The following DCC variants were observed in gnomAD, a reference collection of about 807,000 sequenced individuals.
DCC encodes netrin receptor DCC.
In DCC, 58 loss-of-function variants were observed where a neutral mutation model predicts 172.5. That is an observed-to-expected ratio of 0.34 (90% CI 0.27 to 0.42). The LOEUF (loss-of-function observed/expected upper bound fraction) is 0.42, where lower values mean the gene tolerates loss of function less well. Ranked by LOEUF, DCC falls within the 10% of genes least tolerant of loss-of-function variation. DCC has a pLI of 1.00. For missense variants in DCC, 1,740 were observed against 1,791.0 expected (o/e 0.97, Z 0.51); for synonymous variants, 709 against 644.5 (o/e 1.10, Z -1.52).
At chr18:52,760,101 T>C (rs1203107504) in intron 2 of DCC, among the ~76,000 whole-genome samples, 1 of 152,186 alleles carries the variant, frequency 6.6e-6, no homozygotes, top group African/African-American at 2.4e-5. Flanking sequence ...GGGTAGTTTA[T>C]AAAGGAAAGA....
intron 1 of DCC, among the ~76,000 whole-genome samples, chr18:52,406,874 C>T (rs550054662): frequency 1.3e-5 from 2 of 152,052 alleles, no homozygotes; most frequent in East Asian, 1.9e-4. Flanking sequence ...TATTTGTTTT[C>T]CTTTTAATAA....
chr18:52,496,163 C>T (rs184236239), intron 1 of DCC, among the ~76,000 whole-genome samples: 201 of 152,182 alleles, frequency 1.3e-3, no homozygotes, highest in Non-Finnish European at 2.2e-3. Flanking sequence ...CGAATCCCCC[C>T]ATGGTTCATT....
intron 1 of DCC, among the ~76,000 whole-genome samples, chr18:52,468,203 A>T (rs1162169324): frequency 6.6e-6 from 1 of 152,200 alleles, no homozygotes; most frequent in Non-Finnish European, 1.5e-5. Flanking sequence ...TCAAAATATG[A>T]AACAATCAAA....
chr18:52,599,089 C>G (rs182324321), intron 1 of DCC, among the ~76,000 whole-genome samples: 3 of 152,252 alleles, frequency 2.0e-5, no homozygotes, highest in Non-Finnish European at 1.5e-5. Context: ...TGTGAACAGT[C>G]AAACCACAGA....
At chr18:52,624,011 G>C (rs1291722959) in intron 1 of DCC, among the ~76,000 whole-genome samples, 2 of 152,112 alleles carry the variant, frequency 1.3e-5, no homozygotes, top group Admixed American at 6.6e-5. Flanking sequence ...GGTTACAAAA[G>C]AGCATTGGTT....
At chr18:53,287,397 G>A (rs2056948899) in intron 12 of DCC, among the ~76,000 whole-genome samples, 1 of 152,058 alleles carries the variant, frequency 6.6e-6, no homozygotes, top group Non-Finnish European at 1.5e-5. Context: ...GTGGGCATTT[G>A]GACTGTTTTC....
intron 5 of DCC, among the ~76,000 whole-genome samples, chr18:53,026,703 G>A (rs1019931439): frequency 1.3e-5 from 2 of 151,900 alleles, no homozygotes; most frequent in Admixed American, 6.6e-5. Context: ...CTGCAGGTGC[G>A]TGCTGCCATA....
intron 11 of DCC, 107 bp from the exon 12 acceptor site, chr18:53,215,441 C>G (rs774141452): frequency 4.3e-6 from 4 of 927,144 alleles, no homozygotes; most frequent in Non-Finnish European, 7.1e-6. Context: ...ACCTAATTAT[C>G]ATTATAAACT....
intron 1 of DCC, among the ~76,000 whole-genome samples, chr18:52,658,291 A>T (rs571097591): frequency 1.3e-5 from 2 of 152,352 alleles, no homozygotes; most frequent in East Asian, 3.9e-4. Flanking sequence ...CATTCCTAGC[A>T]TTTTGATTTG....
At chr18:53,083,664 G>A (rs567013817) in intron 7 of DCC, among the ~76,000 whole-genome samples, 2 of 152,144 alleles carry the variant, frequency 1.3e-5, no homozygotes, top group Admixed American at 6.6e-5. Flanking sequence ...AAAATATGAT[G>A]GCATACTTCT....
At chr18:52,951,653 AATTTAT>A (rs2040650171) in intron 5 of DCC, among the ~76,000 whole-genome samples, 1 of 152,176 alleles carries the variant, frequency 6.6e-6, no homozygotes, top group Admixed American at 6.5e-5. Flanking sequence ...TTTCAAAATA[AATTTAT>A]ATTTGGAAAG....
chr18:52,838,481 C>A (rs1208487135), intron 2 of DCC, among the ~76,000 whole-genome samples: 1 of 152,026 alleles, frequency 6.6e-6, no homozygotes, highest in Non-Finnish European at 1.5e-5. Context: ...TGTGTCTTTC[C>A]CCTAGAAGAT....
chr18:52,380,186 C>T (rs550807199), intron 1 of DCC, among the ~76,000 whole-genome samples: 23 of 152,092 alleles, frequency 1.5e-4, no homozygotes, highest in Middle Eastern at 6.8e-3. Context: ...GTCACTTCCC[C>T]AAAAGCCTAT....
At chr18:52,840,047 A>G (rs2038777050) in intron 2 of DCC, among the ~76,000 whole-genome samples, 1 of 152,146 alleles carries the variant, frequency 6.6e-6, no homozygotes, top group Non-Finnish European at 1.5e-5. Flanking sequence ...TTAGTTCTCC[A>G]GTGGGCCCCA....
chr18:52,850,262 T>C (rs1447754921), intron 2 of DCC, among the ~76,000 whole-genome samples: 1 of 152,152 alleles, frequency 6.6e-6, no homozygotes, highest in East Asian at 1.9e-4. Context: ...GGAAGTAAAG[T>C]TAATTAATCT....
intron 1 of DCC, among the ~76,000 whole-genome samples, chr18:52,611,372 T>C (rs190991760): frequency 2.6e-4 from 39 of 152,356 alleles, no homozygotes; most frequent in African/African-American, 8.9e-4. Flanking sequence ...TATATAGTTT[T>C]GTACCTAATT....
At chr18:52,880,717 A>T (rs1335529325) in intron 2 of DCC, among the ~76,000 whole-genome samples, 1 of 152,036 alleles carries the variant, frequency 6.6e-6, no homozygotes, top group Non-Finnish European at 1.5e-5. Flanking sequence ...GCTGAATAGT[A>T]CTCCATTATG....
chr18:53,098,936 C>T (rs2043124606), intron 7 of DCC, among the ~76,000 whole-genome samples: 1 of 151,992 alleles, frequency 6.6e-6, no homozygotes, highest in Non-Finnish European at 1.5e-5. Context: ...TGCTTGAGCC[C>T]ACGAATTCAA....
At chr18:53,174,131 C>T (rs1284304293) in intron 8 of DCC, among the ~76,000 whole-genome samples, 8 of 144,348 alleles carry the variant, frequency 5.5e-5, no homozygotes, top group Non-Finnish European at 1.1e-4. Flanking sequence ...TTGAAACCAA[C>T]GAGAACAAGG....
Sources: gnomAD v4.1 joint callset for allele counts (sites outside exome capture counted in the v4.1 genomes callset) on GRCh38, gnomAD v4.1.1 for gene constraint, MANE v1.5 for transcripts, NCBI Gene and HGNC (gene_info 2026-07-23, HGNC 2026-07-21) for gene names.